Variants in FHIT observed in about 807,000 individuals in gnomAD.
FHIT encodes fragile histidine triad diadenosine triphosphatase, also known as bis(5'-adenosyl)-triphosphatase.
In FHIT, 19 loss-of-function variants were observed where a neutral mutation model predicts 17.9. The ratio of observed to expected loss-of-function variants is 1.06; its 90% CI spans 0.74 to 1.56. FHIT has a LOEUF of 1.56. FHIT is among the 40% of genes most tolerant of loss of function. The pLI, the probability that FHIT is intolerant of heterozygous loss-of-function variation, is 0.00. For synonymous variants in FHIT, 81 were observed against 69.7 expected (o/e 1.16, Z -0.81); for missense variants, 248 against 189.2 (o/e 1.31, Z -1.82).
chr3:60,193,626 A>T (rs1417758518), intron 5 of FHIT, among the ~76,000 whole-genome samples: 1 of 152,208 alleles, frequency 6.6e-6, no homozygotes, highest in Non-Finnish European at 1.5e-5. Context: ...ATAGAAAGGT[A>T]AGATCCAAGT....
intron 3 of FHIT, among the ~76,000 whole-genome samples, chr3:60,984,785 GGTGTGTGTGTGTGT>G (rs58578875): frequency 2.0e-5 from 3 of 150,150 alleles, no homozygotes; most frequent in South Asian, 2.1e-4. Flanking sequence ...TTCATGAAGG[GGTGTGTGTGTGTGT>G]GTGTGTGTGT....
chr3:60,130,784 G>GTGTATACACATATATATGTGTGTGT (rs148356992), intron 5 of FHIT, among the ~76,000 whole-genome samples: 1 of 111,624 alleles, frequency 9.0e-6, no homozygotes, highest in Non-Finnish European at 2.0e-5. Context: ...GTGTGTGTGT[G>GTGTATACACATATATATGTGTGTGT]GTGTGTATAT....
intron 5 of FHIT, among the ~76,000 whole-genome samples, chr3:60,373,441 G>A (rs967037546): frequency 1.3e-5 from 2 of 152,176 alleles, no homozygotes; most frequent in African/African-American, 2.4e-5. Context: ...AGCAAGGCAC[G>A]ATAGTGTGAG....
intron 4 of FHIT, among the ~76,000 whole-genome samples, chr3:60,583,793 C>G (rs1553660584): frequency 6.6e-6 from 1 of 152,070 alleles, no homozygotes; most frequent in Non-Finnish European, 1.5e-5. Context: ...TGGCTCCATG[C>G]TCAAAGAGCA....
chr3:60,103,264 C>T (rs1704269272), intron 5 of FHIT, among the ~76,000 whole-genome samples: 1 of 152,140 alleles, frequency 6.6e-6, no homozygotes, highest in East Asian at 1.9e-4. Flanking sequence ...CCCCTATTCC[C>T]CTCCTTAGTT....
At chr3:60,067,073 C>T (rs1190347452) in intron 5 of FHIT, among the ~76,000 whole-genome samples, 1 of 152,042 alleles carries the variant, frequency 6.6e-6, no homozygotes, top group Non-Finnish European at 1.5e-5. Context: ...CACCTGTCCC[C>T]CAAATGCACA....
intron 5 of FHIT, among the ~76,000 whole-genome samples, chr3:60,385,782 T>C (rs1700984277): frequency 6.6e-6 from 1 of 151,980 alleles, no homozygotes; most frequent in Non-Finnish European, 1.5e-5. Flanking sequence ...CTTACTACAT[T>C]GCCTAGACTG....
At chr3:60,799,701 T>G (rs1278869819) in intron 4 of FHIT, among the ~76,000 whole-genome samples, 1 of 152,200 alleles carries the variant, frequency 6.6e-6, no homozygotes, top group African/African-American at 2.4e-5. Flanking sequence ...CATTTTTACA[T>G]CTCTGCTTAA....
chr3:60,311,205 C>G (rs1471350575), intron 5 of FHIT, among the ~76,000 whole-genome samples: 1 of 151,782 alleles, frequency 6.6e-6, no homozygotes, highest in African/African-American at 2.4e-5. Flanking sequence ...TTTCTGTTTT[C>G]TTTTTTAACA....
intron 1 of FHIT, among the ~76,000 whole-genome samples, chr3:61,210,559 T>C (rs1316853424): frequency 6.6e-6 from 1 of 152,210 alleles, no homozygotes; most frequent in Non-Finnish European, 1.5e-5. Flanking sequence ...CTCAGACTGC[T>C]GTGCTAGCAA....
At chr3:60,435,614 T>C (rs2030150938) in intron 5 of FHIT, among the ~76,000 whole-genome samples, 1 of 152,054 alleles carries the variant, frequency 6.6e-6, no homozygotes, top group African/African-American at 2.4e-5. Context: ...AAATGCCAGA[T>C]TGAGTTACTT....
At chr3:59,937,525 T>C (rs941169417) in intron 7 of FHIT, among the ~76,000 whole-genome samples, 16 of 152,304 alleles carry the variant, frequency 1.1e-4, no homozygotes, top group Middle Eastern at 3.4e-3. Context: ...TGAATAAATA[T>C]CTCTGGGCCC....
chr3:61,087,866 A>G (rs970480563), intron 2 of FHIT, among the ~76,000 whole-genome samples: 1 of 152,186 alleles, frequency 6.6e-6, no homozygotes, highest in African/African-American at 2.4e-5. Context: ...TCTATTCAAA[A>G]ATAAGAAAAA....
At chr3:60,194,390 A>G (rs1702530259) in intron 5 of FHIT, among the ~76,000 whole-genome samples, 2 of 152,196 alleles carry the variant, frequency 1.3e-5, no homozygotes, top group African/African-American at 4.8e-5. Context: ...CCCCATGTAG[A>G]AGAATTAAAC....
chr3:59,987,778 A>G (rs1293206146), intron 7 of FHIT, among the ~76,000 whole-genome samples: 1 of 152,062 alleles, frequency 6.6e-6, no homozygotes, highest in Non-Finnish European at 1.5e-5. Context: ...GCATTTCCCT[A>G]CATGGCCTAC....
At chr3:60,271,124 G>A (rs542268813) in intron 5 of FHIT, among the ~76,000 whole-genome samples, 3 of 152,098 alleles carry the variant, frequency 2.0e-5, no homozygotes, top group Non-Finnish European at 2.9e-5. Context: ...CAGAAGCCAC[G>A]CTCCGTGGCT....
intron 4 of FHIT, among the ~76,000 whole-genome samples, chr3:60,703,154 T>A (rs2107914482): frequency 6.6e-6 from 1 of 152,262 alleles, no homozygotes; most frequent in African/African-American, 2.4e-5. Context: ...GCAGAGAGAA[T>A]ACCATGTGAT....
chr3:60,671,406 AT>A (rs1248310001), intron 4 of FHIT, among the ~76,000 whole-genome samples: 1 of 152,134 alleles, frequency 6.6e-6, no homozygotes, highest in Non-Finnish European at 1.5e-5. Context: ...GAGTTTCAAA[AT>A]CACTGCAGCT....
intron 2 of FHIT, among the ~76,000 whole-genome samples, chr3:61,092,502 A>ATAT (rs574045149): frequency 6.7e-6 from 1 of 149,378 alleles, no homozygotes; most frequent in Non-Finnish European, 1.5e-5. Context: ...GTCCCTTAAA[A>ATAT]ATATATATAT....
Sources: gnomAD v4.1 joint callset for allele counts (sites outside exome capture counted in the v4.1 genomes callset) on GRCh38, gnomAD v4.1.1 for gene constraint, MANE v1.5 for transcripts, NCBI Gene and HGNC (gene_info 2026-07-23, HGNC 2026-07-21) for gene names.